Variants in MACROD2 observed in about 807,000 individuals in gnomAD.
MACROD2 encodes mono-ADP ribosylhydrolase 2.
A neutral mutation model predicts 70.4 loss-of-function variants in MACROD2; 36 were observed. The observed-to-expected ratio is 0.51, with a 90% CI of 0.39 to 0.68. The LOEUF (loss-of-function observed/expected upper bound fraction) is 0.68, where lower values mean the gene tolerates loss of function less well. MACROD2 is among the 30% of genes least tolerant of loss of function. MACROD2 has a pLI of 0.00. For missense variants in MACROD2, 496 were observed against 538.4 expected (o/e 0.92, Z 0.78); for synonymous variants, 172 against 178.8 (o/e 0.96, Z 0.30).
intron 3 of MACROD2, among the ~76,000 whole-genome samples, chr20:14,455,785 A>G (rs1176447898): frequency 6.6e-6 from 1 of 151,836 alleles, no homozygotes; most frequent in Non-Finnish European, 1.5e-5. Context: ...AATTTAGTTT[A>G]TAAAACTTAA....
intron 3 of MACROD2, among the ~76,000 whole-genome samples, chr20:14,465,947 C>G (rs1207076124): frequency 6.6e-6 from 1 of 152,130 alleles, no homozygotes; most frequent in African/African-American, 2.4e-5. Context: ...CCTGACCTTT[C>G]TCTCTGGCTG....
At chr20:14,146,223 G>A (rs1427349992) in intron 3 of MACROD2, among the ~76,000 whole-genome samples, 1 of 152,158 alleles carries the variant, frequency 6.6e-6, no homozygotes, top group Non-Finnish European at 1.5e-5. Flanking sequence ...AGAGGCTGAG[G>A]CAGGAGAATG....
chr20:15,664,839 G>A (rs921828255), intron 8 of MACROD2, among the ~76,000 whole-genome samples: 3 of 152,090 alleles, frequency 2.0e-5, no homozygotes, highest in African/African-American at 7.2e-5. Context: ...CCAAAGTCAG[G>A]GTGTGGGGAG....
At chr20:14,667,834 A>G (rs1225896792) in intron 4 of MACROD2, among the ~76,000 whole-genome samples, 41 of 151,964 alleles carry the variant, frequency 2.7e-4, no homozygotes, top group Non-Finnish European at 1.5e-5. Flanking sequence ...CTGTATTTTA[A>G]ATTTTTAGTG....
chr20:15,066,290 C>T (rs899893254), intron 5 of MACROD2, among the ~76,000 whole-genome samples: 2 of 151,732 alleles, frequency 1.3e-5, no homozygotes, highest in Admixed American at 1.3e-4. Context: ...CACCACAACG[C>T]CTGGCTAATT....
At chr20:15,918,786 G>A (rs1428634355) in intron 10 of MACROD2, among the ~76,000 whole-genome samples, 1 of 152,096 alleles carries the variant, frequency 6.6e-6, no homozygotes, top group African/African-American at 2.4e-5. Flanking sequence ...CTCCACCATC[G>A]GACTGTTTCT....
chr20:14,898,791 G>A (rs1229761464), intron 5 of MACROD2, among the ~76,000 whole-genome samples: 3 of 152,056 alleles, frequency 2.0e-5, no homozygotes, highest in East Asian at 3.9e-4. Context: ...CTGAGTTTAG[G>A]TGATGTACCA....
chr20:15,892,184 A>C (rs952708553), intron 10 of MACROD2, among the ~76,000 whole-genome samples: 1 of 152,162 alleles, frequency 6.6e-6, no homozygotes, highest in South Asian at 2.1e-4. Context: ...TAGAGGGGCA[A>C]ACAGATATCC....
intron 5 of MACROD2, among the ~76,000 whole-genome samples, chr20:14,734,683 G>A (rs2071641162): frequency 6.6e-6 from 1 of 151,932 alleles, no homozygotes; most frequent in African/African-American, 2.4e-5. Context: ...TAGCCAAAAT[G>A]ACTTTGATAA....
intron 5 of MACROD2, among the ~76,000 whole-genome samples, chr20:14,954,588 T>G (rs187475297): frequency 0.02 from 2,661 of 134,574 alleles, 88 homozygotes; most frequent in African/African-American, 0.07. Flanking sequence ...AATTATAAAT[T>G]ATATATAATA....
chr20:14,597,819 T>G (rs1473864512), intron 4 of MACROD2, among the ~76,000 whole-genome samples: 2 of 152,108 alleles, frequency 1.3e-5, no homozygotes, highest in African/African-American at 4.8e-5. Flanking sequence ...ATAGAGTTGT[T>G]TGCAATAATT....
chr20:15,184,069 C>T (rs1033290796), intron 5 of MACROD2, among the ~76,000 whole-genome samples: 7 of 146,892 alleles, frequency 4.8e-5, no homozygotes, highest in Non-Finnish European at 1.1e-4. Flanking sequence ...TTCCGGATAG[C>T]GAATGTTTCA....
chr20:15,792,732 C>T (rs1007507992), intron 8 of MACROD2, among the ~76,000 whole-genome samples: 1 of 152,118 alleles, frequency 6.6e-6, no homozygotes, highest in South Asian at 2.1e-4. Flanking sequence ...TAAATTGGCT[C>T]GACCTCTTTG....
intron 15 of MACROD2, among the ~76,000 whole-genome samples, chr20:16,025,012 T>C (rs2067057908): frequency 6.6e-6 from 1 of 152,246 alleles, no homozygotes; most frequent in Non-Finnish European, 1.5e-5. Flanking sequence ...CTGGATTGCC[T>C]TCTTCTCAAA....
chr20:14,151,724 C>T (rs1371510844), intron 3 of MACROD2, among the ~76,000 whole-genome samples: 2 of 150,410 alleles, frequency 1.3e-5, no homozygotes, highest in African/African-American at 2.4e-5. Context: ...AAAGCTGATT[C>T]CAGGATAAAA....
chr20:14,329,704 A>G (rs2082798987), intron 3 of MACROD2, among the ~76,000 whole-genome samples: 1 of 152,092 alleles, frequency 6.6e-6, no homozygotes, highest in Admixed American at 6.6e-5. Context: ...ATTAACAAAT[A>G]TTTTTGACAG....
intron 4 of MACROD2, among the ~76,000 whole-genome samples, chr20:14,541,739 G>A (rs937053643): frequency 4.6e-5 from 7 of 152,120 alleles, no homozygotes; most frequent in African/African-American, 7.2e-5. Flanking sequence ...AGAAAGAGAC[G>A]TATTACTGTT....
chr20:15,802,269 T>A lies in MACROD2; in HGVS notation c.646-60476T>A, dbSNP rs530542593. Reference sequence around the variant, plus strand: ...AGAGTGGTGAAAGTCATCTTCCTATTGTTCTAGTTATTTCAGCTTTCAGCT... The same window carrying A: ...AGAGTGGTGAAAGTCATCTTCCTATAGTTCTAGTTATTTCAGCTTTCAGCT... On this transcript the variant is annotated intron_variant, in intron 8 of 17. Coordinates refer to ENST00000684519, the MANE Select transcript of MACROD2 (RefSeq NM_001351661.2). 5.3e-5 allele frequency among the ~76,000 whole-genome samples: 8 copies of A among 152,296 alleles called. No individual in the cohort carries two copies. In the East Asian group the frequency reaches 5.8e-4, roughly 11 times the overall value.
At chr20:15,887,278 T>A (rs1002809094) in intron 10 of MACROD2, among the ~76,000 whole-genome samples, 1 of 152,128 alleles carries the variant, frequency 6.6e-6, no homozygotes, top group East Asian at 1.9e-4. Flanking sequence ...GGAACAAGGA[T>A]TATAGCTTCT....
Sources: gnomAD v4.1 joint callset for allele counts (sites outside exome capture counted in the v4.1 genomes callset) on GRCh38, gnomAD v4.1.1 for gene constraint, MANE v1.5 for transcripts, NCBI Gene and HGNC (gene_info 2026-07-23, HGNC 2026-07-21) for gene names.